Variants in TNIK observed in about 807,000 individuals in gnomAD.
TNIK encodes TRAF2 and NCK interacting kinase.
In TNIK, 49 loss-of-function variants were observed where a neutral mutation model predicts 191.3. The ratio of observed to expected loss-of-function variants is 0.26; its 90% confidence interval spans 0.20 to 0.32. TNIK has a LOEUF of 0.32. Among genes scored for constraint, TNIK ranks in the 10% least tolerant of loss-of-function variants. The pLI is 1.00. For missense variants in TNIK, 1,155 were observed against 1,702.3 expected (o/e 0.68, Z 5.66); for synonymous variants, 594 against 600.9 (o/e 0.99, Z 0.17).
chr3:171,198,116 T>C (rs538706233), intron 4 of TNIK, among the ~76,000 whole-genome samples: 20 of 152,304 alleles, frequency 1.3e-4, no homozygotes, highest in African/African-American at 4.3e-4. Context: ...GCATGATATG[T>C]GGATGAATCA....
At chr3:171,338,177 T>A (rs551305384) in intron 2 of TNIK, among the ~76,000 whole-genome samples, 1 of 152,090 alleles carries the variant, frequency 6.6e-6, no homozygotes, top group East Asian at 1.9e-4. Flanking sequence ...AACCAACAAT[T>A]TTTTTAAGAT....
intron 21 of TNIK, among the ~76,000 whole-genome samples, chr3:171,102,262 A>G (rs1181644801): frequency 6.6e-6 from 1 of 151,856 alleles, no homozygotes; most frequent in African/African-American, 2.4e-5. Context: ...CAACAACAAC[A>G]AGAGTTCTCT....
At chr3:171,265,769 A>C (rs928438756) in intron 2 of TNIK, among the ~76,000 whole-genome samples, 2 of 152,258 alleles carry the variant, frequency 1.3e-5, no homozygotes, top group Non-Finnish European at 2.9e-5. Context: ...GGGAAAGTGG[A>C]ATCTTAAAAA....
intron 15 of TNIK, among the ~76,000 whole-genome samples, chr3:171,132,769 G>A (rs867103024): frequency 5.3e-5 from 8 of 152,252 alleles, no homozygotes; most frequent in Middle Eastern, 6.8e-3. Flanking sequence ...TATTTACTAT[G>A]TCATATGGGT....
chr3:171,433,615 A>G (rs1032396623), intron 1 of TNIK, among the ~76,000 whole-genome samples: 35 of 152,118 alleles, frequency 2.3e-4, no homozygotes, highest in African/African-American at 8.2e-4. Context: ...CACGTGTGCA[A>G]CAAAAACACA....
intron 9 of TNIK, among the ~76,000 whole-genome samples, chr3:171,173,071 T>C (rs9880387): frequency 0.99 from 150,566 of 152,160 alleles, 74,497 homozygotes; most frequent in East Asian, 1. Context: ...AGGGGTGGTG[T>C]AGACCATGGT....
At chr3:171,140,902 C>T (rs917644104) in intron 12 of TNIK, among the ~76,000 whole-genome samples, 2 of 152,122 alleles carry the variant, frequency 1.3e-5, no homozygotes, top group African/African-American at 4.8e-5. Flanking sequence ...TGTTTAACAC[C>T]ATGTAACACA....
intron 1 of TNIK, among the ~76,000 whole-genome samples, chr3:171,420,172 C>T (rs950305049): frequency 6.6e-6 from 1 of 152,190 alleles, no homozygotes; most frequent in Non-Finnish European, 1.5e-5. Context: ...GTTGGTAAGA[C>T]AGGCCCAACT....
chr3:171,239,713 CTG>C (rs539583869), intron 2 of TNIK, among the ~76,000 whole-genome samples: 3 of 152,318 alleles, frequency 2.0e-5, no homozygotes, highest in African/African-American at 7.2e-5. Context: ...CATTAGAAAA[CTG>C]AAAGTTGTTT....
intron 2 of TNIK, among the ~76,000 whole-genome samples, chr3:171,240,172 T>C (rs575422222): frequency 3.9e-5 from 6 of 152,284 alleles, no homozygotes; most frequent in African/African-American, 1.4e-4. Context: ...GCCTCCAGTT[T>C]AGGTCGACTC....
At chr3:171,421,977 G>A (rs767826168) in intron 1 of TNIK, among the ~76,000 whole-genome samples, 5 of 152,046 alleles carry the variant, frequency 3.3e-5, no homozygotes, top group African/African-American at 7.2e-5. Flanking sequence ...TGATCTGCCC[G>A]CCTTGGCCTC....
chr3:171,139,380 A>G lies in TNIK; in HGVS notation c.1419+90T>C, dbSNP rs745321877. 1,309 of 464,216 alleles carry G rather than the reference A, an allele frequency of 2.8e-3. 1 individual carries two copies. Among genetic ancestry groups the G allele is most frequent in the African/African-American group, 0.02 (268 of 13,192 alleles). 28.8% of individuals were successfully genotyped at this position (464,216 alleles called of 1,614,324 possible). ...GTTAGAAGGACACACGCACGCGCGC[A>G]CACACACACACACACACACACACAC... On this transcript the variant is annotated intron_variant, in intron 14 of 32. Transcript: ENST00000436636.
chr3:171,372,653 G>A (rs984689230), intron 1 of TNIK, among the ~76,000 whole-genome samples: 5 of 152,092 alleles, frequency 3.3e-5, no homozygotes, highest in African/African-American at 1.2e-4. Flanking sequence ...CCCAATACCC[G>A]TCCCAGAGGT....
At chr3:171,331,857 A>G (rs1417604944) in intron 2 of TNIK, among the ~76,000 whole-genome samples, 2 of 152,178 alleles carry the variant, frequency 1.3e-5, no homozygotes, top group Non-Finnish European at 2.9e-5. Context: ...AATGACTATG[A>G]AAAGCTATCT....
intron 1 of TNIK, among the ~76,000 whole-genome samples, chr3:171,380,311 T>G (rs1053825863): frequency 2.0e-5 from 3 of 152,182 alleles, no homozygotes; most frequent in African/African-American, 4.8e-5. Context: ...TTTGGCCTTT[T>G]GCCTTTTTGA....
In TNIK at chr3:171,060,408, TG is replaced by T. The variant is rs1469658376; in HGVS notation, c.*3472del. ...GGAACTAAGGTGTTTTTAAAAAACA[TG>T]TACTTGATGCAAAGTATATTAGGAG... On this transcript the variant is annotated 3_prime_UTR_variant, in exon 33 of 33. Coordinates refer to ENST00000436636, the MANE Select transcript of TNIK (RefSeq NM_015028.4). 6.6e-6 allele frequency among the ~76,000 whole-genome samples: 1 copy of T among 152,134 alleles called. No homozygotes were observed. The highest frequency in any genetic ancestry group is 6.6e-5 in the Admixed American group (1 of 15,264).
At chr3:171,108,720 T>A (rs948105662) in intron 19 of TNIK, among the ~76,000 whole-genome samples, 1 of 152,228 alleles carries the variant, frequency 6.6e-6, no homozygotes, top group African/African-American at 2.4e-5. Context: ...AAAAAAAATT[T>A]ATTTTATTTG....
intron 2 of TNIK, among the ~76,000 whole-genome samples, chr3:171,251,961 G>GA (rs1309369104): frequency 7.2e-5 from 11 of 152,084 alleles, no homozygotes; most frequent in African/African-American, 2.2e-4. Context: ...ATCACCAAAA[G>GA]AAAGTAGCTC....
At position 171,334,718 on chromosome 3, in the gene TNIK, C is replaced by G. The variant is rs562841580; in HGVS notation, c.123+34902G>C. On this transcript the variant is annotated intron_variant, in intron 2 of 32. Transcript: ENST00000436636. Reference sequence around the variant, plus strand: ...GAACAGGTGCTACTGTTTATTCACCCAAGTCTGACATCACCACATTGTTTC... The same window carrying G: ...GAACAGGTGCTACTGTTTATTCACCGAAGTCTGACATCACCACATTGTTTC... 2.2e-4 allele frequency among the ~76,000 whole-genome samples: 33 copies of G among 152,242 alleles called. 1 individual carries two copies. In the East Asian group the frequency reaches 6.2e-3, roughly 28 times the overall value.
Sources: allele counts gnomAD v4.1 joint callset (sites outside exome capture counted in the v4.1 genomes callset), GRCh38; gene constraint gnomAD v4.1.1; transcripts MANE v1.5; gene names NCBI Gene and HGNC (gene_info 2026-07-23, HGNC 2026-07-21).